RTN4RL2: variants seen among roughly 807,000 people sequenced by gnomAD.
RTN4RL2 encodes the protein reticulon 4 receptor like 2, also known as reticulon-4 receptor-like 2.
RTN4RL2 carries 9 observed loss-of-function variants against 27.8 expected under a neutral mutation model. That is an observed-to-expected ratio of 0.32 (90% CI 0.20 to 0.57). The LOEUF is 0.57. Among genes scored for constraint, RTN4RL2 ranks in the 20% least tolerant of loss-of-function variants. RTN4RL2 has a pLI of 0.90. For missense variants in RTN4RL2, 436 were observed against 596.8 expected, an observed-to-expected ratio of 0.73 and a Z score of 2.81; for synonymous variants, 285 against 297.9, an observed-to-expected ratio of 0.96 and a Z score of 0.45.
In RTN4RL2 at chr11:57,467,833, A is replaced by G; in HGVS notation, c.256A>G (p.Thr86Ala). The G allele has an allele frequency of 6.2e-7, 1 of 1,613,976 alleles. No homozygotes were observed. Among genetic ancestry groups the G allele is most frequent in the Admixed American group, 1.7e-5 (1 of 60,000 alleles). The change falls in exon 2 of 3, where the codon ACC becomes GCC. Residue 86 changes from threonine to alanine, a missense_variant. Coordinates refer to ENST00000335099, the MANE Select transcript of RTN4RL2 (RefSeq NM_178570.3). This position sits in a 1 kb window ranked among gnomAD's most constrained non-coding sequence, Gnocchi z 5.5. ...RPGTFGSNLL[T>A]LWLFSNNLST... is the part of the protein sequence containing the mutation. Reference sequence around the variant, plus strand: ...AGGCACCTTTGGGTCCAACCTGCTCACCCTGTGGCTCTTCTCCAACAACCT... The same window carrying G: ...AGGCACCTTTGGGTCCAACCTGCTCGCCCTGTGGCTCTTCTCCAACAACCT...
intron 1 of RTN4RL2, among the ~76,000 whole-genome samples, chr11:57,463,888 G>A (rs973676847): frequency 5.3e-5 from 8 of 151,540 alleles, no homozygotes; most frequent in Admixed American, 1.3e-4. Flanking sequence ...TGGAGTGCTC[G>A]CTCCAGCCCC....
chr11:57,471,983 C>T (rs1315388491), intron 2 of RTN4RL2, among the ~76,000 whole-genome samples: 1 of 152,136 alleles, frequency 6.6e-6, no homozygotes, highest in Non-Finnish European at 1.5e-5. Flanking sequence ...CTCAGCCTCC[C>T]AAGTAGCTGG....
intron 2 of RTN4RL2, among the ~76,000 whole-genome samples, chr11:57,475,035 T>TC (rs1297218099): frequency 6.6e-6 from 1 of 152,008 alleles, no homozygotes; most frequent in East Asian, 1.9e-4. Flanking sequence ...GTACTTTGGT[T>TC]CCCCCAGGGA....
At chr11:57,468,966 C>G in intron 2 of RTN4RL2, 1 of 684,092 alleles carries the variant, frequency 1.5e-6, no homozygotes, top group Non-Finnish European at 2.6e-6. Flanking sequence ...CTCCAAACCA[C>G]CCTGAGAGAA....
At position 57,467,666 on chromosome 11, in the gene RTN4RL2, G is replaced by A. The variant is rs1943536202; in HGVS notation, c.89G>A (p.Ser30Asn). 1 of 1,611,090 alleles carries A rather than the reference G, an allele frequency of 6.2e-7. No individual in the cohort carries two copies. ...CTGGCCCTGCCCCTGGCGGCCCCCA[G>A]CTGCCCCATGCTCTGCACCTGCTAC... ...MLLALPLAAPSCPMLCTCYSS... is the reference protein window; with the variant it reads ...MLLALPLAAPNCPMLCTCYSS... The change falls in exon 2 of 3, where the codon AGC (serine) becomes AAC (asparagine). Residue 30 changes from serine to asparagine, a missense_variant. By Grantham distance (46) the Ser-to-Asn change is conservative. Around this residue, in one of 3 missense-constraint regions of RTN4RL2, gnomAD observed 365 missense variants for 530.5 expected, o/e 0.69. Transcript: ENST00000335099. The surrounding 1 kb of genome is among the most constrained non-coding windows in gnomAD (Gnocchi z 5.5).
rs1184878400 is a variant in RTN4RL2 at position 57,476,517 on chromosome 11, C to G, written c.869C>G (p.Thr290Ser). The G allele has an allele frequency of 1.4e-6, 2 of 1,456,178 alleles. No homozygotes were observed. The highest frequency in any genetic ancestry group is 3.0e-5 in the African/African-American group (2 of 67,410). The allele number at this position is 1,456,178 out of a possible 1,614,324, so 90.2% of individuals were successfully genotyped here. A position where few individuals can be genotyped will look rare whatever the true frequency, so the allele number is the denominator to read the frequency against. The change falls in exon 3 of 3, where the codon ACC (threonine) becomes AGC (serine). Residue 290 changes from threonine to serine, a missense_variant. Around this residue, in one of 3 missense-constraint regions of RTN4RL2, gnomAD observed 365 missense variants for 530.5 expected, o/e 0.69. Coordinates refer to ENST00000335099, the MANE Select transcript of RTN4RL2 (RefSeq NM_178570.3). The surrounding 1 kb of genome is among the most constrained non-coding windows in gnomAD (Gnocchi z 8.2). ...TCCAGCTCCGACGTGACCTGCGCCA[C>G]CCCCCCGGAGCGCCAGGGCCGAGAC... Reference protein sequence around the residue: ...RVSSSDVTCATPPERQGRDLR... With the variant: ...RVSSSDVTCASPPERQGRDLR...
chr11:57,473,550 G>T (rs1210875217), intron 2 of RTN4RL2, among the ~76,000 whole-genome samples: 1 of 140,042 alleles, frequency 7.1e-6, no homozygotes, highest in Admixed American at 7.6e-5. Flanking sequence ...CTTTAGCAGA[G>T]GCTCTCAGCC....
At chr11:57,469,490 T>C (rs997313117) in intron 2 of RTN4RL2, among the ~76,000 whole-genome samples, 1 of 152,144 alleles carries the variant, frequency 6.6e-6, no homozygotes, top group Non-Finnish European at 1.5e-5. Flanking sequence ...TTTTCTCATC[T>C]GTACAATGGG....
intron 2 of RTN4RL2, among the ~76,000 whole-genome samples, chr11:57,471,243 G>GAAAA (rs58993967): frequency 2.2e-5 from 3 of 135,242 alleles, no homozygotes; most frequent in South Asian, 2.4e-4. Flanking sequence ...CTCAAAAAAG[G>GAAAA]AAAAAAAAAA....
Position 57,476,386 on chromosome 11 carries a change from G to A in RTN4RL2, c.738G>A (p.Ala246=), listed in dbSNP as rs1411076773. 1 of 1,606,286 alleles carries A rather than the reference G, an allele frequency of 6.2e-7. No individual in the cohort carries two copies. The highest frequency in any genetic ancestry group is 8.5e-7 in the Non-Finnish European group (1 of 1,178,996). Residue 246 remains alanine, a synonymous_variant, in exon 3 of 3, where the codon GCG becomes GCA. Coordinates refer to ENST00000335099, the MANE Select transcript of RTN4RL2 (RefSeq NM_178570.3). This position sits in a 1 kb window ranked among gnomAD's most constrained non-coding sequence, Gnocchi z 8.2. ...GCCTGGCCTCGCTGCCCGGCGAGGCGCTCGCCGACCTGCCCTCGCTCGAGT... is the reference window on the plus strand; with the variant it reads ...GCCTGGCCTCGCTGCCCGGCGAGGCACTCGCCGACCTGCCCTCGCTCGAGT... The part of the protein sequence containing the change: ...NNSLASLPGE[A]LADLPSLEFL...
At chr11:57,466,069 C>T (rs1201696897) in intron 1 of RTN4RL2, among the ~76,000 whole-genome samples, 1 of 142,910 alleles carries the variant, frequency 7.0e-6, no homozygotes, top group Non-Finnish European at 1.5e-5. Context: ...GGTGCGATCT[C>T]GGCTCACTGC....
At chr11:57,466,752 G>C (rs1156836408) in intron 1 of RTN4RL2, among the ~76,000 whole-genome samples, 1 of 152,164 alleles carries the variant, frequency 6.6e-6, no homozygotes, top group African/African-American at 2.4e-5. Context: ...ATCTCCAAAG[G>C]GTCCCAAGTT....
chr11:57,461,854 G>A (rs1943487682), intron 1 of RTN4RL2, among the ~76,000 whole-genome samples: 1 of 152,040 alleles, frequency 6.6e-6, no homozygotes, highest in African/African-American at 2.4e-5. Flanking sequence ...AGAGGGGCTG[G>A]AGAGGAGGGA....
rs113928544 is a variant in RTN4RL2, at chr11:57,462,861, A to G, written c.31+1965A>G. ...TCCCACATGTAATCACTACTCTAGA[A>G]CAACCGCAACTGGAAGCCTAGGAGG... is the stretch of plus-strand genomic sequence containing the variant. On this transcript the variant is annotated intron_variant, in intron 1 of 2. Coordinates refer to ENST00000335099, the MANE Select transcript of RTN4RL2 (RefSeq NM_178570.3). Among the ~76,000 whole-genome samples the G allele has an allele frequency of 2.9e-3, 440 of 152,360 alleles. 2 individuals carry two copies. Among genetic ancestry groups the G allele is most frequent in the African/African-American group, 9.9e-3 (413 of 41,586 alleles).
At chr11:57,464,917 C>T (rs1218492485) in intron 1 of RTN4RL2, among the ~76,000 whole-genome samples, 1 of 152,128 alleles carries the variant, frequency 6.6e-6, no homozygotes, top group Non-Finnish European at 1.5e-5. Context: ...GGCCGAGAAA[C>T]GCGGAGGTGG....
Position 57,476,573 on chromosome 11 carries a change from G to T in RTN4RL2, c.925G>T (p.Ala309Ser). 7.1e-7 allele frequency: 1 copy of T among 1,398,946 alleles called. No individual in the cohort carries two copies. The highest frequency in any genetic ancestry group is 9.2e-7 in the Non-Finnish European group (1 of 1,083,924). 86.7% of individuals were successfully genotyped at this position (1,398,946 alleles called of 1,614,324 possible). A position where few individuals can be genotyped will look rare whatever the true frequency, so the allele number is the denominator to read the frequency against. The change falls in exon 3 of 3, where the codon GCG (alanine) becomes TCG (serine). Residue 309 changes from alanine (A) to serine (S), a missense_variant. Transcript: ENST00000335099. The surrounding 1 kb of genome is among the most constrained non-coding windows in gnomAD (Gnocchi z 8.2). ...CGCGCTCCGCGAGGCCGACTTCCAG[G>T]CGTGTCCGCCCGCGGCACCCACGCG... is the stretch of plus-strand genomic sequence containing the variant. The part of the protein sequence containing the change: ...LRALREADFQ[A>S]CPPAAPTRPG...
At chr11:57,468,481 C>G in intron 2 of RTN4RL2, 2 of 1,303,492 alleles carry the variant, frequency 1.5e-6, no homozygotes, top group Non-Finnish European at 2.1e-6. Flanking sequence ...CGCATACACC[C>G]CCATGTCTGT....
intron 1 of RTN4RL2, among the ~76,000 whole-genome samples, chr11:57,465,026 A>G (rs1943511343): frequency 6.6e-6 from 1 of 152,180 alleles, no homozygotes; most frequent in Non-Finnish European, 1.5e-5. Context: ...CGCGGAGGAC[A>G]GCCAGCACGC....
intron 2 of RTN4RL2, among the ~76,000 whole-genome samples, chr11:57,470,807 T>G (rs1157937778): frequency 1.3e-5 from 2 of 152,200 alleles, no homozygotes; most frequent in Non-Finnish European, 2.9e-5. Context: ...TCTACTATTT[T>G]CTGACTTATT....
Sources: gnomAD v4.1 joint callset for allele counts (sites outside exome capture counted in the v4.1 genomes callset) on GRCh38, gnomAD v4.1.1 for gene constraint, gnomAD v4.1.1 regional missense constraint, Gnocchi (gnomAD v3.1) non-coding constraint, MANE v1.5 for transcripts, NCBI Gene and HGNC (gene_info 2026-07-23, HGNC 2026-07-21) for gene names.